PIP4K2A: variants seen among roughly 807,000 people sequenced by gnomAD.
PIP4K2A encodes phosphatidylinositol 5-phosphate 4-kinase type-2 alpha.
PIP4K2A carries 14 observed loss-of-function variants against 42.9 expected under a neutral mutation model. The observed-to-expected ratio is 0.33, with a 90% CI of 0.22 to 0.51. The LOEUF (loss-of-function observed/expected upper bound fraction) is 0.51, where lower values mean the gene tolerates loss of function less well. Among genes scored for constraint, PIP4K2A ranks in the 20% least tolerant of loss-of-function variants. The pLI, the probability that PIP4K2A is intolerant of heterozygous loss-of-function variation, is 0.97. For synonymous variants in PIP4K2A, 192 were observed against 192.2 expected, an observed-to-expected ratio of 1.00 and a Z score of 0.01; for missense variants, 434 against 519.8, an observed-to-expected ratio of 0.83 and a Z score of 1.61.
chr10:22,613,328 G>T lies in PIP4K2A; in HGVS notation c.145-3611C>A, dbSNP rs545212887. Among the ~76,000 whole-genome samples the T allele has an allele frequency of 2.6e-4, 40 of 152,234 alleles. 1 individual carries two copies. The highest frequency in any genetic ancestry group is 8.9e-4 in the African/African-American group (37 of 41,550). ...GAAGGACAGGAGCGAGATGAAGAGG[G>T]ATGAGGGACAGAGGGAGGACCTGAC... On this transcript the variant is annotated intron_variant, in intron 1 of 9. Coordinates refer to ENST00000376573, the MANE Select transcript of PIP4K2A (RefSeq NM_005028.5).
At chr10:22,567,714 C>T in intron 6 of PIP4K2A, 137 bp downstream of exon 6, 1 of 803,310 alleles carries the variant, frequency 1.2e-6, no homozygotes, top group Non-Finnish European at 2.3e-6. Flanking sequence ...TACAGTGTTT[C>T]TCGCTGGTGG....
intron 1 of PIP4K2A, among the ~76,000 whole-genome samples, chr10:22,614,316 A>G (rs1041411254): frequency 6.6e-6 from 1 of 152,242 alleles, no homozygotes; most frequent in African/African-American, 2.4e-5. Flanking sequence ...TTCGGAGATC[A>G]TATAGTCTAA....
intron 6 of PIP4K2A, among the ~76,000 whole-genome samples, chr10:22,551,813 C>T (rs1275400250): frequency 6.6e-6 from 1 of 152,164 alleles, no homozygotes; most frequent in Non-Finnish European, 1.5e-5. Context: ...CTTCCTGGCT[C>T]CGGCACTGTT....
chr10:22,540,251 C>G (rs933232116), intron 8 of PIP4K2A, among the ~76,000 whole-genome samples, 177 bp from the exon 9 acceptor site: 2 of 152,144 alleles, frequency 1.3e-5, no homozygotes, highest in Non-Finnish European at 2.9e-5. Flanking sequence ...ACTAAACACA[C>G]AGCTTGCCTC....
chr10:22,667,900 T>C (rs1839379262), intron 1 of PIP4K2A, among the ~76,000 whole-genome samples: 1 of 113,470 alleles, frequency 8.8e-6, no homozygotes, highest in Admixed American at 8.1e-5. Flanking sequence ...TGTGTGTGTG[T>C]GTGTGTGTGT....
intron 1 of PIP4K2A, among the ~76,000 whole-genome samples, chr10:22,710,555 C>A (rs1408843159): frequency 6.6e-6 from 1 of 152,132 alleles, no homozygotes; most frequent in African/African-American, 2.4e-5. Context: ...TGTGGAGGAA[C>A]CAGCCAGCTA....
intron 1 of PIP4K2A, among the ~76,000 whole-genome samples, chr10:22,634,502 T>C (rs1372767930): frequency 2.6e-5 from 4 of 152,228 alleles, no homozygotes; most frequent in Admixed American, 6.5e-5. Flanking sequence ...TCTGCATATG[T>C]TACTGTTAAC....
At chr10:22,608,105 C>A in intron 2 of PIP4K2A, 82 bp from the exon 3 acceptor site, 2 of 879,314 alleles carry the variant, frequency 2.3e-6, no homozygotes, top group Non-Finnish European at 3.7e-6. Context: ...CACAGGTAGC[C>A]AAAGAAGGGT....
intron 1 of PIP4K2A, among the ~76,000 whole-genome samples, chr10:22,690,387 A>G (rs1349464369): frequency 6.6e-6 from 1 of 152,252 alleles, no homozygotes; most frequent in Non-Finnish European, 1.5e-5. Flanking sequence ...CAGCATCGGG[A>G]CATATTTAAA....
intron 3 of PIP4K2A, among the ~76,000 whole-genome samples, chr10:22,602,469 A>C (rs1245998361): frequency 1.3e-5 from 2 of 152,092 alleles, no homozygotes; most frequent in Admixed American, 6.5e-5. Flanking sequence ...TACAGATGTC[A>C]TGACATTGCC....
At chr10:22,620,321 C>T (rs912703792) in intron 1 of PIP4K2A, among the ~76,000 whole-genome samples, 3 of 152,214 alleles carry the variant, frequency 2.0e-5, no homozygotes, top group Non-Finnish European at 4.4e-5. Flanking sequence ...AGAGGTAATA[C>T]TGGCTTTTTT....
intron 4 of PIP4K2A, among the ~76,000 whole-genome samples, chr10:22,581,377 C>G (rs1334888705): frequency 6.6e-6 from 1 of 152,130 alleles, no homozygotes. Flanking sequence ...TCTTCTTATA[C>G]TTGCTATATG....
intron 1 of PIP4K2A, among the ~76,000 whole-genome samples, chr10:22,627,943 G>GT (rs1838479823): frequency 6.6e-6 from 1 of 152,172 alleles, no homozygotes; most frequent in Non-Finnish European, 1.5e-5. Context: ...TACCTTAAGG[G>GT]TGGGGACTAG....
At chr10:22,586,477 T>C (rs1300863759) in intron 4 of PIP4K2A, among the ~76,000 whole-genome samples, 1 of 152,204 alleles carries the variant, frequency 6.6e-6, no homozygotes, top group Non-Finnish European at 1.5e-5. Context: ...GTGTAGGAAA[T>C]TAAATACAAG....
At chr10:22,632,750 T>C (rs2043395064) in intron 1 of PIP4K2A, among the ~76,000 whole-genome samples, 1 of 152,052 alleles carries the variant, frequency 6.6e-6, no homozygotes, top group South Asian at 2.1e-4. Context: ...TATTTTGAAA[T>C]AAAAATTATG....
chr10:22,671,626 C>T (rs1248990774), intron 1 of PIP4K2A, among the ~76,000 whole-genome samples: 1 of 152,076 alleles, frequency 6.6e-6, no homozygotes, highest in Non-Finnish European at 1.5e-5. Flanking sequence ...CAAAGGGGTA[C>T]AACCAGATCT....
At chr10:22,660,272 A>C (rs7085430) in intron 1 of PIP4K2A, among the ~76,000 whole-genome samples, 1 of 152,130 alleles carries the variant, frequency 6.6e-6, no homozygotes, top group African/African-American at 2.4e-5. Flanking sequence ...GGAATTCGAG[A>C]CCAGCCTGGG....
At chr10:22,575,095 A>G (rs1837078304) in intron 4 of PIP4K2A, among the ~76,000 whole-genome samples, 1 of 152,202 alleles carries the variant, frequency 6.6e-6, no homozygotes, top group South Asian at 2.1e-4. Flanking sequence ...CCAGAAAAAG[A>G]GCCTAATTCC....
At chr10:22,623,648 T>C (rs972299249) in intron 1 of PIP4K2A, among the ~76,000 whole-genome samples, 1 of 152,158 alleles carries the variant, frequency 6.6e-6, no homozygotes, top group African/African-American at 2.4e-5. Flanking sequence ...GTCCAGTGCA[T>C]TGCAACCAAT....
Sources: gnomAD v4.1 joint callset for allele counts (sites outside exome capture counted in the v4.1 genomes callset) on GRCh38, gnomAD v4.1.1 for gene constraint, MANE v1.5 for transcripts, NCBI Gene and HGNC (gene_info 2026-07-23, HGNC 2026-07-21) for gene names.